The following CCDC91 variants were observed in gnomAD, a reference collection of about 807,000 sequenced individuals.
CCDC91 encodes coiled-coil domain containing 91, also known as coiled-coil domain-containing protein 91.
In CCDC91, 48 loss-of-function variants were observed where a neutral mutation model predicts 63.2. That is an observed-to-expected ratio of 0.76 (90% CI 0.60 to 0.97). The LOEUF (loss-of-function observed/expected upper bound fraction) is 0.97. CCDC91 is among the 50% of genes least tolerant of loss of function. CCDC91 has a pLI of 0.00. For missense variants in CCDC91, 500 were observed against 494.6 expected (o/e 1.01, Z -0.10); for synonymous variants, 167 against 165.8 (o/e 1.01, Z -0.06).
chr12:28,472,128 A>G (rs1352798555), intron 11 of CCDC91, among the ~76,000 whole-genome samples: 1 of 152,198 alleles, frequency 6.6e-6, no homozygotes, highest in Non-Finnish European at 1.5e-5. Context: ...TTCAGCTTCC[A>G]TGTGAAAAAT....
chr12:28,373,755 C>A (rs1251396872), intron 7 of CCDC91, among the ~76,000 whole-genome samples: 1 of 152,042 alleles, frequency 6.6e-6, no homozygotes, highest in Non-Finnish European at 1.5e-5. Context: ...AATTGTAGTT[C>A]CTATAATCCC....
chr12:28,366,447 C>T (rs1158036779), intron 7 of CCDC91, among the ~76,000 whole-genome samples: 2 of 152,146 alleles, frequency 1.3e-5, no homozygotes, highest in Non-Finnish European at 1.5e-5. Context: ...TCTACTTCCA[C>T]CAAGTACCAT....
At chr12:28,436,955 CT>C (rs1464437681) in intron 8 of CCDC91, among the ~76,000 whole-genome samples, 7 of 147,660 alleles carry the variant, frequency 4.7e-5, no homozygotes, top group Admixed American at 6.8e-5. Flanking sequence ...TCCCAGAAAT[CT>C]TTTTTTTTTG....
In CCDC91 at chr12:28,506,840, C is replaced by T. The variant is rs535265865; in HGVS notation, c.1215+22675C>T. Among the ~76,000 whole-genome samples the T allele has an allele frequency of 3.3e-5, 5 of 151,176 alleles. No individual in the cohort carries two copies. The South Asian group carries it at 1.0e-3, about 31-fold the overall frequency. On this transcript the variant is annotated intron_variant, in intron 12 of 12. Transcript: ENST00000536442. ...GTATTAGCATTGATGATAATATTTA[C>T]TGAATCTGTCCTTCAGGGGTAAAAA...
intron 7 of CCDC91, among the ~76,000 whole-genome samples, chr12:28,364,526 A>G (rs1259812080): frequency 6.6e-6 from 1 of 152,240 alleles, no homozygotes; most frequent in Non-Finnish European, 1.5e-5. Context: ...CTATATTATT[A>G]TAGTATTGAT....
At chr12:28,426,370 A>G (rs927204936) in intron 8 of CCDC91, among the ~76,000 whole-genome samples, 15 of 152,052 alleles carry the variant, frequency 9.9e-5, no homozygotes, top group Admixed American at 2.0e-4. Context: ...AATTTTAGAA[A>G]ATTTGTGGCT....
chr12:28,271,679 G>A lies in CCDC91; in HGVS notation c.109+12237G>A, dbSNP rs539380876. ...TATGTACTCTGCTTCTTTTCTTTCC[G>A]TAGTATCCCTGGAAATTTTCATAAG... is the stretch of plus-strand genomic sequence containing the variant. On this transcript the variant is annotated intron_variant, in intron 3 of 12. Transcript: ENST00000536442. 1.7e-3 allele frequency among the ~76,000 whole-genome samples: 261 copies of A among 151,730 alleles called. 2 individuals carry two copies. The highest frequency in any genetic ancestry group is 5.5e-3 in the African/African-American group (227 of 41,460).
chr12:28,201,862 C>T (rs2121513457), intron 1 of CCDC91, among the ~76,000 whole-genome samples: 1 of 143,758 alleles, frequency 7.0e-6, no homozygotes, highest in Admixed American at 6.8e-5. Context: ...CCCGTCTCCA[C>T]CAAAAAAATA....
rs547777639 is a variant in CCDC91, at chr12:28,257,399, T to TA, written c.30+163dup. On this transcript the variant is annotated intron_variant, in intron 2 of 12. Coordinates refer to ENST00000536442, the MANE Select transcript of CCDC91 (RefSeq NM_018318.5). Reference sequence around the variant, plus strand: ...AGTAAAAAGATGAAATCAAGAAAAATAAAAAAAAACCCTCTAAAAATTAAA... The same window carrying TA: ...AGTAAAAAGATGAAATCAAGAAAAATAAAAAAAAAACCCTCTAAAAATTAAA... Among the ~76,000 whole-genome samples, 256 of 151,034 alleles carry TA rather than the reference T, an allele frequency of 1.7e-3. 3 individuals carry two copies. Among genetic ancestry groups the TA allele is most frequent in the Non-Finnish European group, 2.2e-3 (148 of 67,574 alleles).
At chr12:28,246,549 C>T (rs1241204871) in intron 1 of CCDC91, among the ~76,000 whole-genome samples, 3 of 151,944 alleles carry the variant, frequency 2.0e-5, no homozygotes, top group Non-Finnish European at 4.4e-5. Flanking sequence ...AGATCATATC[C>T]CATAGAGGCA....
chr12:28,259,613 A>G (rs1946692947), intron 3 of CCDC91, among the ~76,000 whole-genome samples, 171 bp downstream of exon 3: 1 of 151,986 alleles, frequency 6.6e-6, no homozygotes, highest in South Asian at 2.1e-4. Flanking sequence ...TGTGAATTAC[A>G]TAACACATTT....
rs893253963 is a variant in CCDC91, at chr12:28,362,424, C to A, written c.577-14C>A. ...GAAGAAAAACTCATGGTTTTAGTTT[C>A]TTTTTTCTTTCAGGAAAAACATAAA... is the stretch of plus-strand genomic sequence containing the variant. On this transcript the variant is annotated splice_polypyrimidine_tract_variant and intron_variant, in intron 6 of 12. Coordinates refer to ENST00000536442, the MANE Select transcript of CCDC91 (RefSeq NM_018318.5). 10 of 1,541,690 alleles carry A rather than the reference C, an allele frequency of 6.5e-6. No homozygotes were observed. The highest frequency in any genetic ancestry group is 2.5e-5 in the South Asian group (2 of 81,180).
chr12:28,428,571 CCCCAAAAAAAAA>C (rs1396842723), intron 8 of CCDC91, among the ~76,000 whole-genome samples: 7 of 70,828 alleles, frequency 9.9e-5, no homozygotes, highest in South Asian at 5.3e-4. Flanking sequence ...CTCCGTCTCT[CCCCAAAAAAAAA>C]AAAAAAAAAA....
intron 8 of CCDC91, among the ~76,000 whole-genome samples, chr12:28,413,320 T>A (rs1366465389): frequency 6.6e-6 from 1 of 152,156 alleles, no homozygotes; most frequent in Non-Finnish European, 1.5e-5. Flanking sequence ...TCCCCACAGT[T>A]CTTAATGGAT....
At chr12:28,398,667 G>C (rs1469404202) in intron 8 of CCDC91, among the ~76,000 whole-genome samples, 1 of 152,076 alleles carries the variant, frequency 6.6e-6, no homozygotes, top group Non-Finnish European at 1.5e-5. Flanking sequence ...TGCTCTCTCA[G>C]CACTTGGTAT....
chr12:28,197,471 T>A (rs111621506), intron 1 of CCDC91, among the ~76,000 whole-genome samples: 1,598 of 152,226 alleles, frequency 0.01, 23 homozygotes, highest in African/African-American at 0.036. Context: ...CCTTTATGTA[T>A]GTTGTTTTAT....
At chr12:28,338,913 T>G (rs1942210766) in intron 6 of CCDC91, among the ~76,000 whole-genome samples, 1 of 152,166 alleles carries the variant, frequency 6.6e-6, no homozygotes, top group Admixed American at 6.5e-5. Flanking sequence ...CAATCTTGGC[T>G]CACTGCAACC....
At chr12:28,243,318 G>A (rs1280808582) in intron 1 of CCDC91, among the ~76,000 whole-genome samples, 2 of 152,130 alleles carry the variant, frequency 1.3e-5, no homozygotes, top group Non-Finnish European at 2.9e-5. Flanking sequence ...ACAACATAGA[G>A]GAACTGGGTG....
intron 7 of CCDC91, among the ~76,000 whole-genome samples, chr12:28,390,315 TGA>T (rs1221688526): frequency 6.6e-6 from 1 of 152,022 alleles, no homozygotes; most frequent in Non-Finnish European, 1.5e-5. Flanking sequence ...TTTTTCTTGG[TGA>T]ATATGCCAAC....
Sources: allele counts gnomAD v4.1 joint callset (sites outside exome capture counted in the v4.1 genomes callset), GRCh38; gene constraint gnomAD v4.1.1; transcripts MANE v1.5; gene names NCBI Gene and HGNC (gene_info 2026-07-23, HGNC 2026-07-21).